FOXP2: variants seen among roughly 807,000 people sequenced by gnomAD.
FOXP2 encodes the protein forkhead box protein P2.
In FOXP2, 12 loss-of-function variants were observed where a neutral mutation model predicts 115.8. The ratio of observed to expected loss-of-function variants is 0.10; its 90% CI spans 0.07 to 0.17. The LOEUF (loss-of-function observed/expected upper bound fraction) is 0.17. Ranked by LOEUF, FOXP2 falls within the 10% of genes least tolerant of loss-of-function variation. The probability of loss-of-function intolerance (pLI) is 1.00; values close to 1 mark genes in which losing one functional copy is unlikely to be tolerated. For synonymous variants in FOXP2, 328 were observed against 297.7 expected, an observed-to-expected ratio of 1.10 and a Z score of -1.05; for missense variants, 629 against 843.5, an observed-to-expected ratio of 0.75 and a Z score of 3.15.
At chr7:114,437,367 G>C in intron 2 of FOXP2, among the ~76,000 whole-genome samples, 1 of 152,168 alleles carries the variant, frequency 6.6e-6, no homozygotes, top group Middle Eastern at 3.2e-3. Flanking sequence ...AGTCTTCCAA[G>C]TGTACATGGA....
rs186122758 is a variant in FOXP2, at chr7:114,631,854, A to G, written c.775+149A>G. ...GATTGTTAACATGGTGGCATGACCT[A>G]TTTTCTAGAGGCTCAGAAATTTTAC... On this transcript the variant is annotated intron_variant, in intron 6 of 16. Coordinates refer to ENST00000350908, the MANE Select transcript of FOXP2 (RefSeq NM_014491.4). The G allele has an allele frequency of 2.5e-3, 2,032 of 804,968 alleles. 15 individuals carry two copies. The highest frequency in any genetic ancestry group is 0.019 in the Middle Eastern group (61 of 3,170). 49.9% of individuals were successfully genotyped at this position (804,968 alleles called of 1,614,324 possible).
chr7:114,431,167 A>G (rs1241539741), intron 2 of FOXP2, among the ~76,000 whole-genome samples: 2 of 151,918 alleles, frequency 1.3e-5, no homozygotes, highest in African/African-American at 4.8e-5. Context: ...TGTTCAGCTA[A>G]TGAGGTCGAA....
chr7:114,307,394 G>T (rs1797038992), intron 2 of FOXP2, among the ~76,000 whole-genome samples: 1 of 152,010 alleles, frequency 6.6e-6, no homozygotes, highest in Non-Finnish European at 1.5e-5. Context: ...GTAGTCTAAG[G>T]CCAGTTAATG....
intron 1 of FOXP2, among the ~76,000 whole-genome samples, chr7:114,216,855 G>T (rs1028071169): frequency 2.0e-5 from 3 of 152,074 alleles, no homozygotes; most frequent in African/African-American, 7.2e-5. Flanking sequence ...ACTAATGTCT[G>T]GTTTTATCCA....
intron 1 of FOXP2, among the ~76,000 whole-genome samples, chr7:114,184,089 G>A (rs921706680): frequency 6.6e-6 from 1 of 152,154 alleles, no homozygotes. Context: ...AGGGGACAGA[G>A]GCTAATTTAG....
intron 2 of FOXP2, among the ~76,000 whole-genome samples, chr7:114,449,785 A>G (rs1794993014): frequency 1.3e-5 from 2 of 152,148 alleles, no homozygotes; most frequent in African/African-American, 4.8e-5. Context: ...TGAAATTGCT[A>G]TATGCATATC....
Position 114,310,458 on chromosome 7 carries a change from A to C in FOXP2, c.-11+22349A>C, listed in dbSNP as rs1456797311. The stretch of plus-strand genomic sequence containing the variant: ...TGGGAATGTCAGGACTGAGGGTCAC[A>C]AGAGTCCTCCATATGTCAAGTGTTA... On this transcript the variant is annotated intron_variant, in intron 2 of 17. Transcript: ENST00000634411. Among the ~76,000 whole-genome samples the C allele has an allele frequency of 2.6e-5, 4 of 152,152 alleles. No individual in the cohort carries two copies. The East Asian group carries it at 7.7e-4, about 29-fold the overall frequency.
At chr7:114,661,360 C>T (rs1238025880) in intron 13 of FOXP2, among the ~76,000 whole-genome samples, 1 of 151,924 alleles carries the variant, frequency 6.6e-6, no homozygotes. Flanking sequence ...AGTAATTACT[C>T]TAATACAAAG....
At chr7:114,444,696 T>C (rs528538243) in intron 2 of FOXP2, among the ~76,000 whole-genome samples, 1 of 152,326 alleles carries the variant, frequency 6.6e-6, no homozygotes, top group African/African-American at 2.4e-5. Flanking sequence ...ATTTATATAA[T>C]GTTTATTTTA....
chr7:114,208,991 G>T (rs920633370), intron 1 of FOXP2, among the ~76,000 whole-genome samples: 14 of 152,122 alleles, frequency 9.2e-5, no homozygotes, highest in Admixed American at 2.6e-4. Flanking sequence ...GAGGAAATTT[G>T]GGAGGGGCTG....
At chr7:114,538,239 T>C in intron 3 of FOXP2, 1 of 997,802 alleles carries the variant, frequency 1.0e-6, no homozygotes, top group Non-Finnish European at 1.4e-6. Flanking sequence ...GTAAAATACA[T>C]TTTCAATTTT....
At chr7:114,582,024 A>AT (rs1489325086) in intron 3 of FOXP2, among the ~76,000 whole-genome samples, 2 of 152,178 alleles carry the variant, frequency 1.3e-5, no homozygotes, top group Non-Finnish European at 2.9e-5. Context: ...AAAGGGGAAA[A>AT]TGATAGAATG....
intron 2 of FOXP2, among the ~76,000 whole-genome samples, chr7:114,390,386 T>C (rs1178092779): frequency 1.3e-5 from 2 of 152,112 alleles, no homozygotes; most frequent in African/African-American, 4.8e-5. Context: ...TACTGAAGAC[T>C]TGAGTTGAGA....
intron 2 of FOXP2, among the ~76,000 whole-genome samples, chr7:114,376,689 G>A (rs542786386): frequency 1.6e-4 from 24 of 152,302 alleles, no homozygotes; most frequent in East Asian, 9.6e-4. Flanking sequence ...GACAGGATGC[G>A]TGCAGGAAAA....
intron 2 of FOXP2, among the ~76,000 whole-genome samples, chr7:114,521,076 A>G (rs1249746773): frequency 6.6e-6 from 1 of 152,168 alleles, no homozygotes; most frequent in Non-Finnish European, 1.5e-5. Flanking sequence ...TGCTTTGGTG[A>G]ATTTGAAATT....
At chr7:114,682,634 A>T (rs1808148723) in intron 16 of FOXP2, among the ~76,000 whole-genome samples, 1 of 152,146 alleles carries the variant, frequency 6.6e-6, no homozygotes, top group African/African-American at 2.4e-5. Flanking sequence ...AATAAATTTA[A>T]TGGCTCTCAT....
intron 2 of FOXP2, among the ~76,000 whole-genome samples, chr7:114,396,466 A>T (rs1792743400): frequency 6.6e-6 from 1 of 152,138 alleles, no homozygotes; most frequent in African/African-American, 2.4e-5. Flanking sequence ...AGGAGTGCAC[A>T]TCTCTCTTCA....
At chr7:114,423,904 A>G (rs1385500871) in intron 1 of FOXP2, among the ~76,000 whole-genome samples, 1 of 151,446 alleles carries the variant, frequency 6.6e-6, no homozygotes, top group Non-Finnish European at 1.5e-5. Context: ...TAATTACACA[A>G]TCACCCTTCT....
At chr7:114,671,197 C>CT (rs960033369) in intron 16 of FOXP2, among the ~76,000 whole-genome samples, 21 of 150,850 alleles carry the variant, frequency 1.4e-4, no homozygotes, top group Non-Finnish European at 2.5e-4. Context: ...ATCATCTCAT[C>CT]TTTTTTTTTA....
Sources: allele counts gnomAD v4.1 joint callset (sites outside exome capture counted in the v4.1 genomes callset), GRCh38; gene constraint gnomAD v4.1.1; transcripts MANE v1.5; gene names NCBI Gene and HGNC (gene_info 2026-07-23, HGNC 2026-07-21).